TMPRSS11F: variants seen among roughly 807,000 people sequenced by gnomAD.
TMPRSS11F encodes transmembrane serine protease 11F, also known as transmembrane protease serine 11F.
Under a neutral mutation model 60.2 loss-of-function variants are expected in TMPRSS11F, and 47 were observed. The observed-to-expected ratio is 0.78, with a 90% CI of 0.62 to 1.00. TMPRSS11F has a LOEUF of 1.00. TMPRSS11F is among the 50% of genes least tolerant of loss of function. The pLI is 0.00. For synonymous variants in TMPRSS11F, 166 were observed against 167.3 expected, an observed-to-expected ratio of 0.99 and a Z score of 0.06; for missense variants, 519 against 522.9, an observed-to-expected ratio of 0.99 and a Z score of 0.07.
At position 68,122,008 on chromosome 4, in the gene TMPRSS11F, A is replaced by G. The variant is rs143527147; in HGVS notation, c.11+7802T>C. On this transcript the variant is annotated intron_variant, in intron 1 of 9. Coordinates refer to ENST00000356291, the MANE Select transcript of TMPRSS11F (RefSeq NM_207407.2). ...ACCCAAATGCTATTTCTTAAGATTT[A>G]TAATTTTTAAATAACCACTTTTTTT... Among the ~76,000 whole-genome samples, 138 of 152,370 alleles carry G rather than the reference A, an allele frequency of 9.1e-4. 2 individuals are homozygous for G. In the East Asian group the frequency reaches 0.022, roughly 25 times the overall value.
At chr4:68,123,438 G>C (rs967253242) in intron 1 of TMPRSS11F, among the ~76,000 whole-genome samples, 1 of 152,166 alleles carries the variant, frequency 6.6e-6, no homozygotes, top group East Asian at 1.9e-4. Context: ...GAAGGTACTC[G>C]TCTCAACCAT....
At chr4:68,055,881 A>C (rs1189782376) in intron 9 of TMPRSS11F, among the ~76,000 whole-genome samples, 2 of 152,212 alleles carry the variant, frequency 1.3e-5, no homozygotes, top group Admixed American at 1.3e-4. Context: ...CCTCAGATGC[A>C]AGAATGGTTC....
chr4:68,082,600 C>A (rs768289182), intron 3 of TMPRSS11F, among the ~76,000 whole-genome samples: 14 of 152,256 alleles, frequency 9.2e-5, no homozygotes, highest in Admixed American at 4.6e-4. Context: ...GAGTGCTTTA[C>A]TGGTTTGCGA....
At chr4:68,057,591 A>T (rs1424954204) in intron 9 of TMPRSS11F, among the ~76,000 whole-genome samples, 1 of 152,176 alleles carries the variant, frequency 6.6e-6, no homozygotes, top group African/African-American at 2.4e-5. Context: ...ATGGGAAAAC[A>T]TGTTTGCAAA....
chr4:68,090,433 G>T, intron 3 of TMPRSS11F, 90 bp downstream of exon 3: 2 of 1,453,110 alleles, frequency 1.4e-6, no homozygotes, highest in East Asian at 4.9e-5. Context: ...TGCAAAAGAA[G>T]AAATTGAGAC....
intron 1 of TMPRSS11F, among the ~76,000 whole-genome samples, chr4:68,113,979 C>A (rs1378810591): frequency 1.3e-5 from 2 of 151,950 alleles, no homozygotes; most frequent in Non-Finnish European, 2.9e-5. Flanking sequence ...AGAAAGATAT[C>A]TGGAAAATCC....
rs759367527 is a variant in TMPRSS11F, at chr4:68,056,026, T to G, written c.1159-1959A>C. Among the ~76,000 whole-genome samples the G allele has an allele frequency of 1.2e-3, 183 of 152,192 alleles. 3 individuals carry two copies. Among genetic ancestry groups the G allele is most frequent in the Non-Finnish European group, 3.5e-4 (24 of 67,958 alleles). The stretch of plus-strand genomic sequence containing the variant: ...TTTGTAAGAAAAACTTTCAACATAA[T>G]AGGTGTATGTCAAACACAATAAAAG... On this transcript the variant is annotated intron_variant, in intron 9 of 9. Transcript: ENST00000356291.
At chr4:68,104,602 CTG>C in intron 1 of TMPRSS11F, among the ~76,000 whole-genome samples, 1 of 152,174 alleles carries the variant, frequency 6.6e-6, no homozygotes, top group South Asian at 2.1e-4. Context: ...CCCTGCAGAA[CTG>C]TGAGTCAATT....
At chr4:68,105,568 CA>C (rs1414629442) in intron 1 of TMPRSS11F, among the ~76,000 whole-genome samples, 1 of 152,034 alleles carries the variant, frequency 6.6e-6, no homozygotes, top group African/African-American at 2.4e-5. Context: ...TAATAAATAC[CA>C]GTAAATAATT....
At chr4:68,124,496 C>A (rs1223932680) in intron 1 of TMPRSS11F, among the ~76,000 whole-genome samples, 3 of 152,078 alleles carry the variant, frequency 2.0e-5, no homozygotes, top group Non-Finnish European at 2.9e-5. Context: ...GGCGACCAAG[C>A]GGAAACTTCA....
At chr4:68,068,272 A>G (rs1216966727) in intron 7 of TMPRSS11F, among the ~76,000 whole-genome samples, 1 of 152,196 alleles carries the variant, frequency 6.6e-6, no homozygotes, top group Non-Finnish European at 1.5e-5. Context: ...ATTGGAAAAA[A>G]ACAAAAGTAG....
intron 1 of TMPRSS11F, among the ~76,000 whole-genome samples, chr4:68,104,562 A>G (rs866950084): frequency 6.6e-6 from 1 of 152,098 alleles, no homozygotes; most frequent in Non-Finnish European, 1.5e-5. Context: ...ACCTTCTGCC[A>G]TGATTATAAG....
chr4:68,072,271 GGTT>G, intron 5 of TMPRSS11F, 49 bp downstream of exon 5: 2 of 770,446 alleles, frequency 2.6e-6, no homozygotes, highest in Middle Eastern at 4.3e-4. Context: ...AATTAAAGAG[GGTT>G]GTAAGAGGAG....
intron 1 of TMPRSS11F, among the ~76,000 whole-genome samples, chr4:68,118,722 T>G (rs1054433083): frequency 6.6e-6 from 1 of 152,156 alleles, no homozygotes; most frequent in Non-Finnish European, 1.5e-5. Context: ...AAAATTTATA[T>G]GTAAACAATT....
intron 1 of TMPRSS11F, among the ~76,000 whole-genome samples, chr4:68,111,115 C>G (rs994696247): frequency 2.6e-5 from 4 of 152,098 alleles, no homozygotes; most frequent in African/African-American, 9.7e-5. Flanking sequence ...TGTAACATAA[C>G]TAAATCTCAG....
At chr4:68,086,801 T>C (rs904877913) in intron 3 of TMPRSS11F, among the ~76,000 whole-genome samples, 2 of 151,986 alleles carry the variant, frequency 1.3e-5, no homozygotes, top group Admixed American at 1.3e-4. Context: ...TGGTAACATA[T>C]AACCTCCATG....
intron 1 of TMPRSS11F, among the ~76,000 whole-genome samples, chr4:68,121,560 T>C (rs926614434): frequency 6.6e-6 from 1 of 152,296 alleles, no homozygotes; most frequent in East Asian, 1.9e-4. Context: ...CTAAACAGAA[T>C]GTGCTATGGT....
intron 5 of TMPRSS11F, among the ~76,000 whole-genome samples, chr4:68,071,223 G>A (rs1048827031): frequency 1.3e-5 from 2 of 152,048 alleles, no homozygotes; most frequent in African/African-American, 2.4e-5. Flanking sequence ...TAACAATCAA[G>A]GTGGATACCG....
intron 1 of TMPRSS11F, 109 bp from the exon 2 acceptor site, chr4:68,099,147 G>A (rs1042125217): frequency 5.6e-6 from 5 of 898,878 alleles, no homozygotes; most frequent in African/African-American, 1.7e-5. Context: ...AAATAACAGT[G>A]AGCAACTTAG....
Sources: allele counts gnomAD v4.1 joint callset (sites outside exome capture counted in the v4.1 genomes callset), GRCh38; gene constraint gnomAD v4.1.1; transcripts MANE v1.5; gene names NCBI Gene and HGNC (gene_info 2026-07-23, HGNC 2026-07-21).